RNF213: variants seen among roughly 807,000 people sequenced by gnomAD.
RNF213 encodes ring finger protein 213.
Under a neutral mutation model 514.4 loss-of-function variants are expected in RNF213, and 341 were observed. The ratio of observed to expected loss-of-function variants is 0.66; its 90% CI spans 0.61 to 0.73. RNF213 has a LOEUF of 0.73. RNF213 is among the 30% of genes least tolerant of loss of function. The probability of loss-of-function intolerance (pLI) is 0.00; values close to 1 mark genes in which losing one functional copy is unlikely to be tolerated. For missense variants in RNF213, 5,767 were observed against 6,615.6 expected, an observed-to-expected ratio of 0.87 and a Z score of 4.45; for synonymous variants, 2,655 against 2,658.2, an observed-to-expected ratio of 1.00 and a Z score of 0.04.
chr17:80,337,503 A>G, intron 23 of RNF213, 83 bp from the exon 24 acceptor site: 1 of 1,492,894 alleles, frequency 6.7e-7, no homozygotes, highest in Non-Finnish European at 8.9e-7. Flanking sequence ...AGCGAGGCAG[A>G]GGCGGGAGGC....
Position 80,339,891 on chromosome 17 carries a change from C to G in RNF213, c.5524C>G (p.Pro1842Ala), listed in dbSNP as rs1349540224. The G allele has an allele frequency of 1.0e-5, 16 of 1,537,016 alleles. No homozygotes were observed. The highest frequency in any genetic ancestry group is 1.4e-5 in the Non-Finnish European group (16 of 1,146,896). ...CGTCTGTGGCCACTCCGAGGTGTTG[C>G]CAGCCGCCCTGGCTGTCTACATGCA... ...LVVCGHSEVL[P>A]AALAVYMQTP... is the part of the protein sequence containing the mutation. Residue 1842 changes from proline (P) to alanine (A), a missense_variant, in exon 26 of 68, where the codon CCA becomes GCA. Pro to Ala is a conservative substitution (Grantham distance 27). Transcript: ENST00000582970.
chr17:80,318,366 G>C (rs183717270), intron 16 of RNF213, among the ~76,000 whole-genome samples: 2 of 152,100 alleles, frequency 1.3e-5, no homozygotes, highest in African/African-American at 4.8e-5. Flanking sequence ...CCCTGTCTGC[G>C]TAGGATTTCT....
At chr17:80,336,606 C>A in intron 23 of RNF213, 2 of 584,504 alleles carry the variant, frequency 3.4e-6, no homozygotes, top group Non-Finnish European at 3.2e-6. Context: ...AGGTGCAAAA[C>A]ACACGTGGAA....
intron 38 of RNF213, among the ~76,000 whole-genome samples, chr17:80,360,937 C>T (rs1376528383): frequency 2.0e-5 from 3 of 152,206 alleles, no homozygotes; most frequent in Non-Finnish European, 2.9e-5. Context: ...AATACCCCAA[C>T]TGACCCTGCT....
chr17:80,278,697 G>A (rs1186925779), intron 3 of RNF213: 2 of 1,516,350 alleles, frequency 1.3e-6, no homozygotes, highest in African/African-American at 2.8e-5. Context: ...GGGTCTTTGC[G>A]AGTCTACTGG....
At chr17:80,393,297 A>C in intron 67 of RNF213, 48 bp from the exon 68 acceptor site, 2 of 1,586,000 alleles carry the variant, frequency 1.3e-6, no homozygotes, top group Non-Finnish European at 1.7e-6. Context: ...CACGTGAGCC[A>C]CCATGCTGAG....
Position 80,397,134 on chromosome 17 carries a change from C to T in RNF213, c.*3636C>T, listed in dbSNP as rs1568183467. The T allele has an allele frequency of 2.0e-5, 3 of 152,464 alleles. No homozygotes were observed. Among genetic ancestry groups the T allele is most frequent in the African/African-American group, 4.8e-5 (2 of 41,438 alleles). 9.4% of individuals were successfully genotyped at this position (152,464 alleles called of 1,614,324 possible). The stretch of plus-strand genomic sequence containing the variant: ...CCCATCGCCACAGGTCCATGAGTGA[C>T]TCCTAATTACCAAATCCAAGGGCTC... On this transcript the variant is annotated 3_prime_UTR_variant, in exon 68 of 68. Transcript: ENST00000582970.
Position 80,336,450 on chromosome 17 carries a change from T to A in RNF213, c.4527+72T>A, listed in dbSNP as rs1568087910. 2.3e-6 allele frequency: 3 copies of A among 1,328,194 alleles called. No homozygotes were observed. In the Admixed American group the frequency reaches 5.9e-5, roughly 26 times the overall value. The allele number at this position is 1,328,194 out of a possible 1,614,324, so 82.3% of individuals were successfully genotyped here. Reference sequence around the variant, plus strand: ...TGCTTAGCAACGTTAGGGCAGTGACTGTGGAAATGGTGGCACACCTGTGTG... The same window carrying A: ...TGCTTAGCAACGTTAGGGCAGTGACAGTGGAAATGGTGGCACACCTGTGTG... On this transcript the variant is annotated intron_variant, in intron 23 of 67. Transcript: ENST00000582970.
At chr17:80,326,495 C>G (rs1320200265) in intron 18 of RNF213, among the ~76,000 whole-genome samples, 2 of 152,186 alleles carry the variant, frequency 1.3e-5, no homozygotes, top group Admixed American at 1.3e-4. Flanking sequence ...ATAGTTCGTT[C>G]CTGGTGTTGT....
In RNF213 at chr17:80,343,322, C is replaced by G; in HGVS notation, c.6180C>G (p.Ser2060=). 6.2e-7 allele frequency: 1 copy of G among 1,611,468 alleles called. No homozygotes were observed. Among genetic ancestry groups the G allele is most frequent in the Non-Finnish European group, 8.5e-7 (1 of 1,179,384 alleles). The part of the protein sequence containing the change: ...VPVLFHLDVT[S]SVQTGIWVFL... ...TGCTCTTTCACCTGGACGTGACCTCCTCAGTAAGTGCCCTCCAGCGTCAGC... is the reference window on the plus strand; with the variant it reads ...TGCTCTTTCACCTGGACGTGACCTCGTCAGTAAGTGCCCTCCAGCGTCAGC... Residue 2060 remains serine, a synonymous_variant, in exon 27 of 68, where the codon TCC becomes TCG. Transcript: ENST00000582970. The surrounding 1 kb of genome is among the most constrained non-coding windows in gnomAD (Gnocchi z 4.3).
At chr17:80,285,649 T>C (rs927885052) in intron 3 of RNF213, among the ~76,000 whole-genome samples, 10 of 151,536 alleles carry the variant, frequency 6.6e-5, no homozygotes, top group Non-Finnish European at 1.5e-4. Flanking sequence ...CCCAGACTCT[T>C]CTTCTGCAGC....
rs1348367157 is a variant in RNF213 at position 80,374,455 on chromosome 17, C to T, written c.12943-3C>T. On this transcript the variant is annotated splice_polypyrimidine_tract_variant and splice_region_variant and intron_variant, in intron 49 of 67. Transcript: ENST00000582970. ...TCACCCCCAACTAACCTCTGTATTC[C>T]AGGGGCTGCGGCAGGACCACCCAGG... 1 of 1,614,004 alleles carries T rather than the reference C, an allele frequency of 6.2e-7. No homozygotes were observed. The highest frequency in any genetic ancestry group is 1.3e-5 in the African/African-American group (1 of 74,890).
At chr17:80,325,908 C>G (rs1015836226) in intron 18 of RNF213, among the ~76,000 whole-genome samples, 2 of 151,894 alleles carry the variant, frequency 1.3e-5, no homozygotes, top group African/African-American at 2.4e-5. Context: ...AAAAGCTACT[C>G]TCTTGAAAAG....
At chr17:80,275,670 A>T (rs1437214161) in intron 3 of RNF213, among the ~76,000 whole-genome samples, 3 of 150,578 alleles carry the variant, frequency 2.0e-5, no homozygotes, top group Non-Finnish European at 4.4e-5. Flanking sequence ...ATTTTATTTT[A>T]TTTTTTTTTG....
intron 60 of RNF213, 96 bp from the exon 61 acceptor site, chr17:80,385,442 G>A (rs2080195817): frequency 1.8e-6 from 2 of 1,137,016 alleles, no homozygotes; most frequent in Admixed American, 3.8e-5. Flanking sequence ...CACAAAGCAG[G>A]AAAGATGGGC....
In RNF213 at chr17:80,381,232, T is replaced by G. The variant is rs142078955; in HGVS notation, c.13797+245T>G. On this transcript the variant is annotated intron_variant, in intron 56 of 67. Coordinates refer to ENST00000582970, the MANE Select transcript of RNF213 (RefSeq NM_001256071.3). ...TAACACTCTGTGTCTCTGGTCCACATCTGGGAGTAGAGAGGCTGACATCTT... is the reference window on the plus strand; with the variant it reads ...TAACACTCTGTGTCTCTGGTCCACAGCTGGGAGTAGAGAGGCTGACATCTT... The G allele has an allele frequency of 1.5e-4, 92 of 608,124 alleles. 1 individual carries two copies. In the East Asian group the frequency reaches 2.5e-3, roughly 17 times the overall value. The allele number at this position is 608,124 out of a possible 1,614,324, so 37.7% of individuals were successfully genotyped here. A position where few individuals can be genotyped will look rare whatever the true frequency, so the allele number is the denominator to read the frequency against.
At chr17:80,287,704 G>T in intron 3 of RNF213, 111 bp from the exon 4 acceptor site, 17 of 877,914 alleles carry the variant, frequency 1.9e-5, no homozygotes, top group East Asian at 8.1e-5. Flanking sequence ...TAGGTACTTT[G>T]GTCGAGCCAA....
At position 80,361,684 on chromosome 17, in the gene RNF213, C is replaced by T. The variant is rs7208006; in HGVS notation, c.11201-50C>T. On this transcript the variant is annotated intron_variant, in intron 38 of 67. Transcript: ENST00000582970. ...CCGGAGCCCCCTGGAGGCAGGGGAG[C>T]GCCATGACTTAGACGCACTCCAGGC... The T allele has an allele frequency of 3.5e-4, 564 of 1,604,062 alleles. 1 individual carries two copies. In the African/African-American group the frequency reaches 5.0e-3, roughly 14 times the overall value.
rs1056889653 is a variant in RNF213 at position 80,369,539 on chromosome 17, T to G, written c.12193T>G (p.Cys4065Gly). ...AAAGCATGCCCGCTTCCGGCAGATG[T>G]GCAACAGTTTCTTCGTAGACCTGGT... ...IEKHARFRQM[C>G]NSFFVDLVST... Residue 4065 changes from cysteine to glycine, a missense_variant, in exon 45 of 68, where the codon TGC (cysteine) becomes GGC (glycine). Cys to Gly is a radical substitution (Grantham distance 159, BLOSUM62 -3). This residue lies in a region of RNF213 where 93 missense variants were observed against 95.6 expected (regional missense o/e 0.97). Transcript: ENST00000582970. 6.2e-7 allele frequency: 1 copy of G among 1,614,156 alleles called. No individual in the cohort carries two copies. Among genetic ancestry groups the G allele is most frequent in the Non-Finnish European group, 8.5e-7 (1 of 1,180,042 alleles).
Sources: gnomAD v4.1 joint callset for allele counts (sites outside exome capture counted in the v4.1 genomes callset) on GRCh38, gnomAD v4.1.1 for gene constraint, gnomAD v4.1.1 regional missense constraint, Gnocchi (gnomAD v3.1) non-coding constraint, MANE v1.5 for transcripts, NCBI Gene and HGNC (gene_info 2026-07-23, HGNC 2026-07-21) for gene names.